Variants in LRRC8D observed in about 807,000 individuals in gnomAD.
LRRC8D encodes leucine rich repeat containing 8 VRAC subunit D.
In LRRC8D, 20 loss-of-function variants were observed where a neutral mutation model predicts 55.8. The ratio of observed to expected loss-of-function variants is 0.36; its 90% CI spans 0.25 to 0.52. The LOEUF (loss-of-function observed/expected upper bound fraction) is 0.52. Among genes scored for constraint, LRRC8D ranks in the 20% least tolerant of loss-of-function variants. The pLI is 0.93. For missense variants in LRRC8D, 651 were observed against 1,030.8 expected (o/e 0.63, Z 5.05); for synonymous variants, 352 against 377.0 (o/e 0.93, Z 0.77).
intron 2 of LRRC8D, among the ~76,000 whole-genome samples, chr1:89,852,674 C>A (rs1412850021): frequency 6.6e-6 from 1 of 152,032 alleles, no homozygotes; most frequent in Non-Finnish European, 1.5e-5. Flanking sequence ...GTGTTTTGTT[C>A]TTTCTTGTTT....
In LRRC8D at chr1:89,933,280, G is replaced by A. The variant is rs201155012; in HGVS notation, c.212G>A (p.Gly71Glu). Residue 71 changes from glycine to glutamate, a missense_variant, in exon 3 of 3, where the codon GGA becomes GAA. By Grantham distance (98) the Gly-to-Glu change is moderately conservative. This residue lies in a region of LRRC8D where 118 missense variants were observed against 138.0 expected (regional missense o/e 0.85). Transcript: ENST00000337338. This position sits in a 1 kb window ranked among gnomAD's most constrained non-coding sequence, Gnocchi z 7.0. ...AATTCAAAGGCACATACACCACCAG[G>A]AAATGCCGAGGTCACCACCAACATC... ...PVNSKAHTPP[G>E]NAEVTTNIPK... 94 of 1,614,124 alleles carry A rather than the reference G, an allele frequency of 5.8e-5. No individual in the cohort carries two copies. The African/African-American group carries it at 1.2e-3, about 20-fold the overall frequency.
intron 2 of LRRC8D, among the ~76,000 whole-genome samples, chr1:89,856,350 T>C (rs146646379): frequency 6.6e-6 from 1 of 151,970 alleles, no homozygotes; most frequent in East Asian, 1.9e-4. Context: ...ACACACACAC[T>C]CTCAGGTAAG....
intron 2 of LRRC8D, among the ~76,000 whole-genome samples, chr1:89,906,254 C>G (rs994878749): frequency 1.3e-5 from 2 of 152,290 alleles, no homozygotes; most frequent in South Asian, 2.1e-4. Flanking sequence ...AACAAGACAT[C>G]TGGTACTGTA....
intron 2 of LRRC8D, among the ~76,000 whole-genome samples, chr1:89,901,930 G>A (rs774881481): frequency 5.3e-5 from 8 of 152,214 alleles, no homozygotes; most frequent in Non-Finnish European, 1.0e-4. Flanking sequence ...AAGCCTCACA[G>A]AGGTAGGGAG....
chr1:89,931,556 C>G (rs1170319409), intron 2 of LRRC8D, among the ~76,000 whole-genome samples: 1 of 151,940 alleles, frequency 6.6e-6, no homozygotes. Context: ...GTCAGGAGTT[C>G]GAGACCAGCC....
Position 89,935,124 on chromosome 1 carries a change from A to T in LRRC8D, c.2056A>T (p.Thr686Ser), listed in dbSNP as rs778495839. Residue 686 changes from threonine (T) to serine (S), a missense_variant, in exon 3 of 3, where the codon ACT becomes TCT. Physicochemically the swap from Thr to Ser is moderately conservative, Grantham distance 58 (BLOSUM62 1). Around this residue, in one of 5 missense-constraint regions of LRRC8D, gnomAD observed 338 missense variants for 479.4 expected, o/e 0.71. Coordinates refer to ENST00000337338, the MANE Select transcript of LRRC8D (RefSeq NM_001134479.2). ...IISFQHLKRL[T>S]CLKLWHNKIV... ...CAGTTTCCAGCATTTAAAACGACTG[A>T]CTTGTTTAAAATTATGGCATAACAA... 6.2e-7 allele frequency: 1 copy of T among 1,614,190 alleles called. No individual in the cohort carries two copies. Among genetic ancestry groups the T allele is most frequent in the Non-Finnish European group, 8.5e-7 (1 of 1,180,028 alleles).
chr1:89,832,313 A>G (rs1443956084), intron 1 of LRRC8D, among the ~76,000 whole-genome samples: 2 of 152,222 alleles, frequency 1.3e-5, no homozygotes, highest in African/African-American at 4.8e-5. Flanking sequence ...TTTTGCTCTT[A>G]ATCATCCCAA....
intron 2 of LRRC8D, among the ~76,000 whole-genome samples, chr1:89,865,703 AATTTTAATG>A (rs1449673282): frequency 6.6e-6 from 1 of 152,198 alleles, no homozygotes; most frequent in Non-Finnish European, 1.5e-5. Context: ...CTTTAGTTAC[AATTTTAATG>A]ATTTTAATGA....
chr1:89,845,389 A>T (rs1361641437), intron 2 of LRRC8D, among the ~76,000 whole-genome samples: 1 of 152,226 alleles, frequency 6.6e-6, no homozygotes, highest in African/African-American at 2.4e-5. Context: ...GGCTGTGTTT[A>T]TGCCTCTTCT....
intron 2 of LRRC8D, among the ~76,000 whole-genome samples, chr1:89,902,643 TCTC>T (rs1199624620): frequency 6.6e-6 from 1 of 152,014 alleles, no homozygotes; most frequent in East Asian, 1.9e-4. Context: ...TCCACGCCAT[TCTC>T]CTGCCTCAGC....
At chr1:89,904,134 TAG>T (rs956411126) in intron 2 of LRRC8D, among the ~76,000 whole-genome samples, 1 of 152,208 alleles carries the variant, frequency 6.6e-6, no homozygotes, top group Non-Finnish European at 1.5e-5. Context: ...ACACTAATAG[TAG>T]AGAGAGCTTT....
At chr1:89,882,557 G>A (rs967378804) in intron 2 of LRRC8D, among the ~76,000 whole-genome samples, 1 of 152,156 alleles carries the variant, frequency 6.6e-6, no homozygotes, top group Non-Finnish European at 1.5e-5. Context: ...GGAGGTTATA[G>A]TCCATCTAGG....
intron 1 of LRRC8D, among the ~76,000 whole-genome samples, chr1:89,826,326 G>A (rs956215916): frequency 4.0e-5 from 6 of 151,872 alleles, no homozygotes; most frequent in African/African-American, 7.3e-5. Flanking sequence ...GTGCAGTGGC[G>A]CGATCTCAGC....
intron 2 of LRRC8D, among the ~76,000 whole-genome samples, chr1:89,899,833 T>C (rs1662806541): frequency 6.6e-6 from 1 of 152,212 alleles, no homozygotes; most frequent in African/African-American, 2.4e-5. Context: ...CTTGTTTCTT[T>C]GTCTGTAAAA....
intron 1 of LRRC8D, among the ~76,000 whole-genome samples, chr1:89,832,777 C>G (rs1454518861): frequency 6.6e-6 from 1 of 152,334 alleles, no homozygotes; most frequent in Middle Eastern, 3.4e-3. Flanking sequence ...ACAAGTTGTA[C>G]AAGAAGTCTT....
At chr1:89,925,670 TACAC>T (rs1557486916) in intron 2 of LRRC8D, among the ~76,000 whole-genome samples, 1 of 152,246 alleles carries the variant, frequency 6.6e-6, no homozygotes, top group African/African-American at 2.4e-5. Flanking sequence ...TTTATACACA[TACAC>T]ACTCAGTATA....
At chr1:89,866,475 G>A (rs553644536) in intron 2 of LRRC8D, among the ~76,000 whole-genome samples, 43 of 152,246 alleles carry the variant, frequency 2.8e-4, no homozygotes, top group Middle Eastern at 3.4e-3. Context: ...TGAATGTGTC[G>A]GTAGTTTTTT....
chr1:89,897,067 T>G (rs1265308287), intron 2 of LRRC8D, among the ~76,000 whole-genome samples: 1 of 152,184 alleles, frequency 6.6e-6, no homozygotes, highest in Non-Finnish European at 1.5e-5. Flanking sequence ...TATTCATTAC[T>G]TTGGGACCAG....
At chr1:89,916,814 G>A (rs1663281207) in intron 2 of LRRC8D, among the ~76,000 whole-genome samples, 1 of 151,890 alleles carries the variant, frequency 6.6e-6, no homozygotes, top group Non-Finnish European at 1.5e-5. Flanking sequence ...AATTTTTCTG[G>A]ACATTTAAAT....
Sources: gnomAD v4.1 joint callset for allele counts (sites outside exome capture counted in the v4.1 genomes callset) on GRCh38, gnomAD v4.1.1 for gene constraint, gnomAD v4.1.1 regional missense constraint, Gnocchi (gnomAD v3.1) non-coding constraint, MANE v1.5 for transcripts, NCBI Gene and HGNC (gene_info 2026-07-23, HGNC 2026-07-21) for gene names.